The following EVC2 variants were observed in gnomAD, a reference collection of about 807,000 sequenced individuals.
The protein encoded by EVC2 is EvC ciliary complex subunit 2, also known as limbin.
Under a neutral mutation model 149.3 loss-of-function variants are expected in EVC2, and 148 were observed. That is an observed-to-expected ratio of 0.99 (90% CI 0.87 to 1.14). The LOEUF is 1.14. Ranked by LOEUF, EVC2 falls within the 50% of genes most tolerant of loss-of-function variation. EVC2 has a pLI of 0.00. For missense variants in EVC2, 1,854 were observed against 1,627.3 expected, an observed-to-expected ratio of 1.14 and a Z score of -2.40; for synonymous variants, 776 against 649.9, an observed-to-expected ratio of 1.19 and a Z score of -2.95.
chr4:5,554,158 T>C (rs528999206), intron 21 of EVC2, among the ~76,000 whole-genome samples: 1 of 152,210 alleles, frequency 6.6e-6, no homozygotes, highest in South Asian at 2.1e-4. Context: ...AAGGAAAAAG[T>C]TGAGAAAACT....
intron 1 of EVC2, among the ~76,000 whole-genome samples, chr4:5,699,862 T>C (rs1217795100): frequency 6.6e-6 from 1 of 151,954 alleles, no homozygotes; most frequent in Non-Finnish European, 1.5e-5. Flanking sequence ...AATAATAGGC[T>C]GGGTATAGTG....
At chr4:5,609,116 G>C (rs577377617) in intron 16 of EVC2, among the ~76,000 whole-genome samples, 71 of 152,212 alleles carry the variant, frequency 4.7e-4, no homozygotes, top group African/African-American at 1.7e-3. Context: ...GTAGCCTCCA[G>C]ATGGCAGACA....
intron 21 of EVC2, among the ~76,000 whole-genome samples, chr4:5,544,431 C>T (rs1032228013): frequency 3.9e-5 from 6 of 152,160 alleles, no homozygotes; most frequent in Non-Finnish European, 7.3e-5. Flanking sequence ...CACACATGCA[C>T]GCACACAAGA....
chr4:5,573,609 T>C (rs538326450), intron 19 of EVC2, among the ~76,000 whole-genome samples: 1 of 152,338 alleles, frequency 6.6e-6, no homozygotes, highest in East Asian at 1.9e-4. Flanking sequence ...CCTTGATTTT[T>C]GCCTGGAGAA....
chr4:5,704,960 T>C (rs1722042078), intron 1 of EVC2, among the ~76,000 whole-genome samples: 1 of 152,136 alleles, frequency 6.6e-6, no homozygotes, highest in South Asian at 2.1e-4. Context: ...TCCTCCTGAC[T>C]TAGCCTCCCA....
Position 5,563,092 on chromosome 4 carries a change from G to C in EVC2, c.3683C>G (p.Pro1228Arg), listed in dbSNP as rs1436377016. The change falls in exon 22 of 22, where the codon CCT (proline) becomes CGT (arginine). Residue 1228 changes from proline to arginine, a missense_variant. Pro to Arg is a moderately radical substitution (Grantham distance 103). Transcript: ENST00000344408. ...AGAGAATATCATCCTCTCTCTGAGA[G>C]GGAGACATGTCTTCTTTAATATGCT... ...KQSILKKTCL[P>R]LRERMIFSGK... is the part of the protein sequence containing the mutation. 2.5e-6 allele frequency: 4 copies of C among 1,614,020 alleles called. No homozygotes were observed. In the East Asian group the frequency reaches 8.9e-5, roughly 36 times the overall value.
At chr4:5,601,317 G>C (rs186293846) in intron 16 of EVC2, among the ~76,000 whole-genome samples, 1 of 152,210 alleles carries the variant, frequency 6.6e-6, no homozygotes, top group East Asian at 1.9e-4. Flanking sequence ...TTCTTAGAAA[G>C]ATATAACAAG....
downstream of EVC2, among the ~76,000 whole-genome samples, chr4:5,558,109 CA>C (rs1721871917): frequency 1.3e-5 from 2 of 152,108 alleles, no homozygotes; most frequent in Admixed American, 6.5e-5. Context: ...ACAGAGTCAA[CA>C]CAGTACTAAA....
chr4:5,661,781 G>A (rs530743584), intron 9 of EVC2, among the ~76,000 whole-genome samples: 44 of 152,324 alleles, frequency 2.9e-4, no homozygotes, highest in African/African-American at 9.4e-4. Context: ...CTGGACCATG[G>A]AGCAGATGAC....
chr4:5,659,439 T>C (rs1340326407), intron 9 of EVC2, among the ~76,000 whole-genome samples: 1 of 149,140 alleles, frequency 6.7e-6, no homozygotes, highest in Non-Finnish European at 1.5e-5. Context: ...TTCTTAAAAC[T>C]AGTGTCCAAC....
intron 9 of EVC2, among the ~76,000 whole-genome samples, chr4:5,648,449 G>T (rs557411387): frequency 6.6e-6 from 1 of 152,164 alleles, no homozygotes; most frequent in Non-Finnish European, 1.5e-5. Context: ...GGCAGGTGCT[G>T]TACCAGGTGC....
intron 3 of EVC2, among the ~76,000 whole-genome samples, chr4:5,693,396 A>G (rs1721258202): frequency 6.6e-6 from 1 of 152,232 alleles, no homozygotes; most frequent in African/African-American, 2.4e-5. Context: ...TCCAATGACA[A>G]GTGTCCTTAT....
intron 10 of EVC2, among the ~76,000 whole-genome samples, chr4:5,635,307 G>C (rs916948559): frequency 1.1e-4 from 16 of 152,092 alleles, no homozygotes; most frequent in African/African-American, 3.9e-4. Context: ...AAAGTGTTGG[G>C]ATTACCACAC....
In EVC2 at chr4:5,614,632, C is replaced by T. The variant is rs1168785663; in HGVS notation, c.2829+790G>A. Reference sequence around the variant, plus strand: ...GTAATTCCACAAAGACAGAAGAATACAGATTAAAGCATCCTAGGAGACTGT... The same window carrying T: ...GTAATTCCACAAAGACAGAAGAATATAGATTAAAGCATCCTAGGAGACTGT... On this transcript the variant is annotated intron_variant, in intron 16 of 21. Transcript: ENST00000344408. This position sits in a 1 kb window ranked among gnomAD's most constrained non-coding sequence, Gnocchi z 4.7. Among the ~76,000 whole-genome samples the T allele has an allele frequency of 6.6e-6, 1 of 152,108 alleles. No homozygotes were observed. The highest frequency in any genetic ancestry group is 1.5e-5 in the Non-Finnish European group (1 of 68,026).
intron 9 of EVC2, among the ~76,000 whole-genome samples, chr4:5,660,549 C>T (rs971910366): frequency 2.0e-5 from 3 of 152,178 alleles, no homozygotes; most frequent in African/African-American, 7.2e-5. Flanking sequence ...AGTTTTGCTT[C>T]CCAGATCTCC....
At chr4:5,554,486 T>C (rs1318015242) in intron 21 of EVC2, among the ~76,000 whole-genome samples, 1 of 152,184 alleles carries the variant, frequency 6.6e-6, no homozygotes, top group Non-Finnish European at 1.5e-5. Flanking sequence ...CAGATGATCA[T>C]GATAGAGAGA....
intron 9 of EVC2, among the ~76,000 whole-genome samples, chr4:5,646,427 T>C (rs977718481): frequency 2.6e-5 from 4 of 151,710 alleles, no homozygotes; most frequent in African/African-American, 9.7e-5. Flanking sequence ...CCGAGGGAGG[T>C]GGATCAAATG....
intron 16 of EVC2, among the ~76,000 whole-genome samples, chr4:5,588,303 C>T (rs1268053183): frequency 2.0e-5 from 3 of 152,156 alleles, no homozygotes; most frequent in African/African-American, 7.2e-5. Flanking sequence ...CTTCTTCCTT[C>T]AGTTGCTTTG....
At chr4:5,552,525 T>C (rs1721760055) in intron 21 of EVC2, among the ~76,000 whole-genome samples, 1 of 152,194 alleles carries the variant, frequency 6.6e-6, no homozygotes, top group Non-Finnish European at 1.5e-5. Flanking sequence ...GGCTCCTGGC[T>C]ATGATAGAGT....
Sources: allele counts gnomAD v4.1 joint callset (sites outside exome capture counted in the v4.1 genomes callset), GRCh38; gene constraint gnomAD v4.1.1; non-coding constraint Gnocchi (gnomAD v3.1); transcripts MANE v1.5; gene names NCBI Gene and HGNC (gene_info 2026-07-23, HGNC 2026-07-21).